The following PGAP1 variants were observed in gnomAD, a reference collection of about 807,000 sequenced individuals.
PGAP1 encodes post-GPI attachment to proteins inositol deacylase 1, also known as GPI inositol-deacylase.
PGAP1 carries 76 observed loss-of-function variants against 127.0 expected under a neutral mutation model. That is an observed-to-expected ratio of 0.60 (90% CI 0.50 to 0.72). PGAP1 has a LOEUF of 0.72. Ranked by LOEUF, PGAP1 falls within the 30% of genes least tolerant of loss-of-function variation. PGAP1 has a pLI of 0.00. For missense variants in PGAP1, 982 were observed against 1,071.3 expected (o/e 0.92, Z 1.16); for synonymous variants, 362 against 366.5 (o/e 0.99, Z 0.14).
chr2:196,870,651 C>T (rs144774109), intron 19 of PGAP1, among the ~76,000 whole-genome samples: 2 of 152,252 alleles, frequency 1.3e-5, no homozygotes, highest in Admixed American at 1.3e-4. Context: ...TATCAGCTCT[C>T]ATTTTTTGGA....
At chr2:196,860,690 C>T (rs72920814) in intron 20 of PGAP1, among the ~76,000 whole-genome samples, 14,645 of 151,988 alleles carry the variant, frequency 0.096, 742 homozygotes, top group South Asian at 0.13. Flanking sequence ...AAAAGACACA[C>T]GAAAAAATAG....
At chr2:196,888,087 T>C (rs977423255) in intron 10 of PGAP1, among the ~76,000 whole-genome samples, 2 of 152,292 alleles carry the variant, frequency 1.3e-5, no homozygotes, top group South Asian at 4.1e-4. Flanking sequence ...TCTAACACCA[T>C]CAAAGTCCAT....
chr2:196,862,952 T>C (rs1043795932), intron 20 of PGAP1, among the ~76,000 whole-genome samples: 6 of 152,120 alleles, frequency 3.9e-5, no homozygotes, highest in Admixed American at 3.9e-4. Context: ...GGCCAACAGA[T>C]GTATTTTTTT....
rs1027840872 is a variant in PGAP1, at chr2:196,835,626, C to T, written c.*5608G>A. ...CATTTATTGTAAGTCCTAGATGAAA[C>T]ATACTGAAAAGATTATTTTTGCTTT... On this transcript the variant is annotated 3_prime_UTR_variant, in exon 27 of 27. Coordinates refer to ENST00000354764, the MANE Select transcript of PGAP1 (RefSeq NM_024989.4). 5.3e-5 allele frequency: 8 copies of T among 152,314 alleles called. No homozygotes were observed. Among genetic ancestry groups the T allele is most frequent in the African/African-American group, 1.9e-4 (8 of 41,390 alleles). The allele number at this position is 152,314 out of a possible 1,614,324, so 9.4% of individuals were successfully genotyped here.
chr2:196,843,529 A>T (rs76821492), intron 25 of PGAP1, among the ~76,000 whole-genome samples: 1 of 152,174 alleles, frequency 6.6e-6, no homozygotes, highest in African/African-American at 2.4e-5. Context: ...TTAGCAATTG[A>T]CCAATTAATA....
At chr2:196,846,156 T>A in intron 22 of PGAP1, 139 bp from the exon 23 acceptor site, 2 of 462,298 alleles carry the variant, frequency 4.3e-6, no homozygotes. Context: ...AGGTATTTTT[T>A]AAATAAAGGC....
intron 7 of PGAP1, among the ~76,000 whole-genome samples, chr2:196,896,279 T>C (rs1258302522): frequency 2.6e-5 from 4 of 152,174 alleles, no homozygotes; most frequent in Admixed American, 6.5e-5. Context: ...TAAGTTCTGG[T>C]GAGCTTAGGT....
In PGAP1 at chr2:196,870,989, A is replaced by C; in HGVS notation, c.1729-10T>G. The C allele has an allele frequency of 6.3e-7, 1 of 1,593,790 alleles. No homozygotes were observed. The highest frequency in any genetic ancestry group is 1.1e-5 in the South Asian group (1 of 90,216). Reference sequence around the variant, plus strand: ...AAGTCTTAACTGTCACCTAGTTTAAAACAATTATTGAAAAAAAAGGTTATT... The same window carrying C: ...AAGTCTTAACTGTCACCTAGTTTAACACAATTATTGAAAAAAAAGGTTATT... On this transcript the variant is annotated splice_polypyrimidine_tract_variant and intron_variant, in intron 18 of 26. Transcript: ENST00000354764.
intron 20 of PGAP1, among the ~76,000 whole-genome samples, chr2:196,858,356 C>T (rs78512165): frequency 2.0e-5 from 3 of 151,420 alleles, no homozygotes; most frequent in Non-Finnish European, 2.9e-5. Flanking sequence ...TAGCTGAGAT[C>T]GTACCACCAC....
Position 196,836,298 on chromosome 2 carries a change from A to G in PGAP1, c.*4936T>C, listed in dbSNP as rs62185635. 3,550 of 152,682 alleles carry G rather than the reference A, an allele frequency of 0.023. 46 individuals are homozygous for G. Among genetic ancestry groups the G allele is most frequent in the Non-Finnish European group, 0.037 (2,516 of 67,934 alleles). The allele number at this position is 152,682 out of a possible 1,614,324, so 9.5% of individuals were successfully genotyped here. A position where few individuals can be genotyped will look rare whatever the true frequency, so the allele number is the denominator to read the frequency against. ...CCTGTACTTTATTTAAAAGTTATCA[A>G]CCGTAGACAATTAAGACAGCTTAGA... is the stretch of plus-strand genomic sequence containing the variant. On this transcript the variant is annotated 3_prime_UTR_variant, in exon 27 of 27. Transcript: ENST00000354764.
In PGAP1 at chr2:196,837,327, A is replaced by C. The variant is rs1016867403; in HGVS notation, c.*3907T>G. On this transcript the variant is annotated 3_prime_UTR_variant, in exon 27 of 27. Transcript: ENST00000354764. ...ACTATACTAAATGTGAGAAGTCTGAAGAATTAAGAAAAGTATAGGAACTAG... is the reference window on the plus strand; with the variant it reads ...ACTATACTAAATGTGAGAAGTCTGACGAATTAAGAAAAGTATAGGAACTAG... The C allele has an allele frequency of 6.6e-6, 1 of 152,206 alleles. No homozygotes were observed. The highest frequency in any genetic ancestry group is 1.5e-5 in the Non-Finnish European group (1 of 68,036). 9.4% of individuals were successfully genotyped at this position (152,206 alleles called of 1,614,324 possible).
Position 196,898,360 on chromosome 2 carries a change from C to T in PGAP1, c.817G>A (p.Val273Met). ...TSALSVVSSA[V>M]PKTWVSTDHL... is the part of the protein sequence containing the mutation. ...TCTGTTGAGACCCAGGTCTTAGGCA[C>T]TGCTGAACTCTAAAAGAAAAGAAAA... Residue 273 changes from valine to methionine, a missense_variant, in exon 6 of 27, where the codon GTG (valine) becomes ATG (methionine). By Grantham distance (21) the Val-to-Met change is conservative (BLOSUM62 1). Transcript: ENST00000354764. 2 of 1,607,584 alleles carry T rather than the reference C, an allele frequency of 1.2e-6. No individual in the cohort carries two copies. The highest frequency in any genetic ancestry group is 1.7e-6 in the Non-Finnish European group (2 of 1,175,910).
chr2:196,856,959 T>C (rs1286479922), intron 20 of PGAP1, among the ~76,000 whole-genome samples: 2 of 152,150 alleles, frequency 1.3e-5, no homozygotes, highest in Non-Finnish European at 2.9e-5. Context: ...TGGAGATCTT[T>C]TGCCTCCCTG....
At chr2:196,920,711 C>T (rs966540146) in intron 1 of PGAP1, among the ~76,000 whole-genome samples, 1 of 151,986 alleles carries the variant, frequency 6.6e-6, no homozygotes, top group African/African-American at 2.4e-5. Flanking sequence ...TAATCTTAAC[C>T]TTATAGCCAT....
intron 19 of PGAP1, among the ~76,000 whole-genome samples, chr2:196,865,359 C>T (rs571193927): frequency 1.8e-4 from 27 of 152,226 alleles, no homozygotes; most frequent in South Asian, 8.3e-4. Flanking sequence ...TTATTTAATA[C>T]GTTCCAGGCA....
At chr2:196,918,976 G>C (rs1703098389) in intron 2 of PGAP1, among the ~76,000 whole-genome samples, 2 of 152,094 alleles carry the variant, frequency 1.3e-5, no homozygotes, top group Non-Finnish European at 2.9e-5. Flanking sequence ...ATGGCCCGTG[G>C]TTACTTTTCC....
At position 196,840,945 on chromosome 2, in the gene PGAP1, T is replaced by C; in HGVS notation, c.*289A>G. ...CATATCAGACTTCTCGTACAGTTGA[T>C]AAAACAGACTATTTTATATGCACAG... On this transcript the variant is annotated 3_prime_UTR_variant, in exon 27 of 27. Transcript: ENST00000354764. 1 of 253,602 alleles carries C rather than the reference T, an allele frequency of 3.9e-6. No homozygotes were observed. Among genetic ancestry groups the C allele is most frequent in the East Asian group, 7.1e-5 (1 of 14,026 alleles). 15.7% of individuals were successfully genotyped at this position (253,602 alleles called of 1,614,324 possible). A position where few individuals can be genotyped will look rare whatever the true frequency, so the allele number is the denominator to read the frequency against.
rs928103734 is a variant in PGAP1 at position 196,901,029 on chromosome 2, C to T, written c.807+1556G>A. 1.8e-4 allele frequency among the ~76,000 whole-genome samples: 27 copies of T among 152,250 alleles called. No individual in the cohort carries two copies. The East Asian group carries it at 4.4e-3, about 25-fold the overall frequency. ...CCTACACACACACAATTAAAGAGAT[C>T]AAAGTTCTTTAAAAGATAAGCTTTA... On this transcript the variant is annotated intron_variant, in intron 5 of 26. Coordinates refer to ENST00000354764, the MANE Select transcript of PGAP1 (RefSeq NM_024989.4).
intron 4 of PGAP1, among the ~76,000 whole-genome samples, chr2:196,905,782 C>A (rs1266955235): frequency 1.4e-5 from 2 of 143,440 alleles, no homozygotes; most frequent in African/African-American, 5.2e-5. Flanking sequence ...GGCATTGCCT[C>A]ACCTGGGAAG....
Sources: allele counts gnomAD v4.1 joint callset (sites outside exome capture counted in the v4.1 genomes callset), GRCh38; gene constraint gnomAD v4.1.1; transcripts MANE v1.5; gene names NCBI Gene and HGNC (gene_info 2026-07-23, HGNC 2026-07-21).